CPNE6: variants seen among roughly 807,000 people sequenced by gnomAD.
CPNE6 encodes copine-6.
In CPNE6, 33 loss-of-function variants were observed where a neutral mutation model predicts 71.5. That is an observed-to-expected ratio of 0.46 (90% confidence interval 0.35 to 0.62). CPNE6 has a LOEUF of 0.62. Among genes scored for constraint, CPNE6 ranks in the 20% least tolerant of loss-of-function variants. CPNE6 has a pLI of 0.00. For missense variants in CPNE6, 576 were observed against 747.3 expected, an observed-to-expected ratio of 0.77 and a Z score of 2.67; for synonymous variants, 296 against 293.0, an observed-to-expected ratio of 1.01 and a Z score of -0.10.
intron 1 of CPNE6, 62 bp from the exon 1 acceptor site, chr14:24,071,500 C>CGGGGGGG: frequency 1.4e-6 from 2 of 1,476,306 alleles, no homozygotes; most frequent in Non-Finnish European, 1.8e-6. Flanking sequence ...GCTGGTGCTG[C>CGGGGGGG]GCCCCCCCCC....
Position 24,077,537 on chromosome 14 carries a change from C to T in CPNE6, c.1537-56C>T. 6.3e-7 allele frequency: 1 copy of T among 1,589,372 alleles called. No individual in the cohort carries two copies. The highest frequency in any genetic ancestry group is 8.6e-7 in the Non-Finnish European group (1 of 1,164,606). On this transcript the variant is annotated intron_variant, in intron 16 of 17. Coordinates refer to ENST00000397016, the Ensembl canonical transcript of CPNE6. This position sits in a 1 kb window ranked among gnomAD's most constrained non-coding sequence, Gnocchi z 6.1. ...GAAGCCCCACTTCTCCCTCAGATGA[C>T]CCTGCCTCCCCTACTCTTCCTCTCA...
rs1257029675 is a variant in CPNE6 at position 24,077,136 on chromosome 14, C to G, written c.1300-18C>G. On this transcript the variant is annotated intron_variant, in intron 15 of 17. Coordinates refer to ENST00000397016, the Ensembl canonical transcript of CPNE6. The surrounding 1 kb of genome is among the most constrained non-coding windows in gnomAD (Gnocchi z 6.1). ...TGCACACAAAGCCAACCCTTCCACC[C>G]TCTCTGCTTGCCCTCAGAAGTACTC... The G allele has an allele frequency of 6.3e-7, 1 of 1,597,204 alleles. No homozygotes were observed. The highest frequency in any genetic ancestry group is 1.3e-5 in the African/African-American group (1 of 74,852).
rs750632519 is a variant in CPNE6 at position 24,075,254 on chromosome 14, G to T, written c.755G>T (p.Gly252Val). ...AGCACTTTCCAGGAGATGCAGGAAG[G>T]GACGGCAAACCCTGGGCAGGAGGTG... The change falls in exon 9 of 18, where the codon GGG (glycine) becomes GTG (valine). Residue 252 changes from glycine to valine, a missense_variant. Physicochemically the swap from Gly to Val is moderately radical, Grantham distance 109. Around this residue, in one of 4 missense-constraint regions of CPNE6, gnomAD observed 214 missense variants for 291.2 expected, o/e 0.73. Coordinates refer to ENST00000397016, the Ensembl canonical transcript of CPNE6. This position sits in a 1 kb window ranked among gnomAD's most constrained non-coding sequence, Gnocchi z 4.3. 1.9e-6 allele frequency: 3 copies of T among 1,614,094 alleles called. No homozygotes were observed. Among genetic ancestry groups the T allele is most frequent in the Non-Finnish European group, 2.5e-6 (3 of 1,179,990 alleles).
intron 14 of CPNE6, 29 bp from the exon 14 acceptor site, chr14:24,076,850 C>A: frequency 6.2e-7 from 1 of 1,610,522 alleles, no homozygotes. Flanking sequence ...CTCATTTCTG[C>A]CAGCTTCACA....
chr14:24,074,864 G>C lies in CPNE6; in HGVS notation c.672+69G>C. 2 of 1,341,056 alleles carry C rather than the reference G, an allele frequency of 1.5e-6. No individual in the cohort carries two copies. The highest frequency in any genetic ancestry group is 5.0e-5 in the East Asian group (2 of 40,286). The allele number at this position is 1,341,056 out of a possible 1,614,324, so 83.1% of individuals were successfully genotyped here. A position where few individuals can be genotyped will look rare whatever the true frequency, so the allele number is the denominator to read the frequency against. ...ATCTGCTATCTAAGACCTTTCCCCTGCATGTGGCAAGCCTCCCTCCTCTCC... is the reference window on the plus strand; with the variant it reads ...ATCTGCTATCTAAGACCTTTCCCCTCCATGTGGCAAGCCTCCCTCCTCTCC... On this transcript the variant is annotated intron_variant, in intron 8 of 17. Coordinates refer to ENST00000397016, the Ensembl canonical transcript of CPNE6. This position sits in a 1 kb window ranked among gnomAD's most constrained non-coding sequence, Gnocchi z 4.5.
rs1466210704 is a variant in CPNE6, at chr14:24,077,988, A to G, written c.*138A>G. On this transcript the variant is annotated 3_prime_UTR_variant, in exon 18 of 18. Transcript: ENST00000397016. This position sits in a 1 kb window ranked among gnomAD's most constrained non-coding sequence, Gnocchi z 6.1. ...GACGTGAGTGGTGGGTCCTGCTCCTATCTCTCCAAACCCCATACCCTTCAA... is the reference window on the plus strand; with the variant it reads ...GACGTGAGTGGTGGGTCCTGCTCCTGTCTCTCCAAACCCCATACCCTTCAA... 1.0e-5 allele frequency: 4 copies of G among 395,194 alleles called. No homozygotes were observed. In the Admixed American group the frequency reaches 1.7e-4, roughly 16 times the overall value. The allele number at this position is 395,194 out of a possible 1,614,324, so 24.5% of individuals were successfully genotyped here.
In CPNE6 at chr14:24,076,343, C is replaced by G; in HGVS notation, c.1059-17C>G. 5 of 1,614,232 alleles carry G rather than the reference C, an allele frequency of 3.1e-6. No homozygotes were observed. Among genetic ancestry groups the G allele is most frequent in the Non-Finnish European group, 4.2e-6 (5 of 1,180,030 alleles). ...AGGCCTTGCCCAACGGATTCCACAG[C>G]TTTTTCTTCTCCCCAGTGATAAGCG... is the stretch of plus-strand genomic sequence containing the variant. On this transcript the variant is annotated splice_polypyrimidine_tract_variant and intron_variant, in intron 12 of 17. Transcript: ENST00000397016.
intron 2 of CPNE6, chr14:24,072,166 T>A (rs1872480339): frequency 6.6e-6 from 1 of 152,624 alleles, no homozygotes; most frequent in African/African-American, 2.4e-5. Context: ...GAAGGTGGCA[T>A]GCGTGCATCC....
At position 24,073,719 on chromosome 14, in the gene CPNE6, C is replaced by T. The variant is rs746786163; in HGVS notation, c.348+41C>T. ...CTCCCCGGCTACCCTACCCTACCTC[C>T]ATCAGCTTTGCCTCTGGAAGCCAAA... On this transcript the variant is annotated intron_variant, in intron 4 of 17. Coordinates refer to ENST00000397016, the Ensembl canonical transcript of CPNE6. The surrounding 1 kb of genome is among the most constrained non-coding windows in gnomAD (Gnocchi z 5.5). 1 of 1,577,422 alleles carries T rather than the reference C, an allele frequency of 6.3e-7. No individual in the cohort carries two copies. Among genetic ancestry groups the T allele is most frequent in the Admixed American group, 1.8e-5 (1 of 54,774 alleles).
rs1566550418 is a variant in CPNE6, at chr14:24,075,176, T to G, written c.677T>G (p.Leu226Arg). 1 of 1,613,168 alleles carries G rather than the reference T, an allele frequency of 6.2e-7. No individual in the cohort carries two copies. The highest frequency in any genetic ancestry group is 8.5e-7 in the Non-Finnish European group (1 of 1,179,270). ...CCCCTCCCCCTGCCTTCTCAGTTCC[T>G]GGTGTATGACTATGACTCCAGTGGG... Residue 226 changes from leucine to arginine, a missense_variant, in exon 9 of 18, where the codon CTG becomes CGG. Around this residue, in one of 4 missense-constraint regions of CPNE6, gnomAD observed 214 missense variants for 291.2 expected, o/e 0.73. Transcript: ENST00000397016. The surrounding 1 kb of genome is among the most constrained non-coding windows in gnomAD (Gnocchi z 4.3).
chr14:24,075,615 G>A lies in CPNE6; in HGVS notation c.864+24G>A, dbSNP rs895043908. On this transcript the variant is annotated intron_variant, in intron 10 of 17. Coordinates refer to ENST00000397016, the Ensembl canonical transcript of CPNE6. This position sits in a 1 kb window ranked among gnomAD's most constrained non-coding sequence, Gnocchi z 4.3. Reference sequence around the variant, plus strand: ...CGGTAAATTTCACTTCCTGCTTCAAGCCTTGCCCCAGCCCCTGCCCCTACC... The same window carrying A: ...CGGTAAATTTCACTTCCTGCTTCAAACCTTGCCCCAGCCCCTGCCCCTACC... 3.8e-6 allele frequency: 6 copies of A among 1,584,814 alleles called. No individual in the cohort carries two copies. The highest frequency in any genetic ancestry group is 4.3e-6 in the Non-Finnish European group (5 of 1,160,362).
chr14:24,077,443 C>T lies in CPNE6; in HGVS notation c.1536+53C>T, dbSNP rs759450514. On this transcript the variant is annotated intron_variant, in intron 16 of 17. Coordinates refer to ENST00000397016, the Ensembl canonical transcript of CPNE6. This position sits in a 1 kb window ranked among gnomAD's most constrained non-coding sequence, Gnocchi z 6.1. Reference sequence around the variant, plus strand: ...AAGGACTCCTCAGCTTCTCATCCCCCCAAATCTGACCTTCGTCTTCCACCA... The same window carrying T: ...AAGGACTCCTCAGCTTCTCATCCCCTCAAATCTGACCTTCGTCTTCCACCA... 1.9e-6 allele frequency: 3 copies of T among 1,583,268 alleles called. No individual in the cohort carries two copies. Among genetic ancestry groups the T allele is most frequent in the South Asian group, 2.2e-5 (2 of 90,482 alleles).
Position 24,073,472 on chromosome 14 carries a change from C to T in CPNE6, c.169-27C>T. The T allele has an allele frequency of 4.4e-6, 7 of 1,605,294 alleles. No individual in the cohort carries two copies. Among genetic ancestry groups the T allele is most frequent in the Non-Finnish European group, 6.0e-6 (7 of 1,175,238 alleles). ...AAGTATCCTCGGTTCCCAGACAGCC[C>T]TCGCCTCCCTTCAACCACTACCACA... On this transcript the variant is annotated intron_variant, in intron 3 of 17. Coordinates refer to ENST00000397016, the Ensembl canonical transcript of CPNE6. The surrounding 1 kb of genome is among the most constrained non-coding windows in gnomAD (Gnocchi z 5.5).
At position 24,075,349 on chromosome 14, in the gene CPNE6, C is replaced by A; in HGVS notation, c.777+73C>A. ...AATCCTGAGGGTGATGCTGAAGAGACCACCATAGGTGATAGGAAGTGGAGA... is the reference window on the plus strand; with the variant it reads ...AATCCTGAGGGTGATGCTGAAGAGAACACCATAGGTGATAGGAAGTGGAGA... On this transcript the variant is annotated intron_variant, in intron 9 of 17. Coordinates refer to ENST00000397016, the Ensembl canonical transcript of CPNE6. The surrounding 1 kb of genome is among the most constrained non-coding windows in gnomAD (Gnocchi z 4.3). The A allele has an allele frequency of 6.9e-7, 1 of 1,443,072 alleles. No individual in the cohort carries two copies. The highest frequency in any genetic ancestry group is 9.8e-7 in the Non-Finnish European group (1 of 1,024,614). 89.4% of individuals were successfully genotyped at this position (1,443,072 alleles called of 1,614,324 possible).
Position 24,077,499 on chromosome 14 carries a change from A to C in CPNE6, c.1537-94A>C. 1 of 1,579,724 alleles carries C rather than the reference A, an allele frequency of 6.3e-7. No individual in the cohort carries two copies. Among genetic ancestry groups the C allele is most frequent in the Non-Finnish European group, 8.7e-7 (1 of 1,150,760 alleles). On this transcript the variant is annotated intron_variant, in intron 16 of 17. Transcript: ENST00000397016. The surrounding 1 kb of genome is among the most constrained non-coding windows in gnomAD (Gnocchi z 6.1). Reference sequence around the variant, plus strand: ...TGTCCTGCTAAGGACGCGGGAGCCCAGCTGGCCACCCTGAAGCCCCACTTC... The same window carrying C: ...TGTCCTGCTAAGGACGCGGGAGCCCCGCTGGCCACCCTGAAGCCCCACTTC...
chr14:24,076,424 A>G lies in CPNE6; in HGVS notation c.1113+10A>G. Reference sequence around the variant, plus strand: ...CCCCCCCAACTTCGAGGTAGGCTAGATGCGAGGGAAAGAAGGAGATGGGGG... The same window carrying G: ...CCCCCCCAACTTCGAGGTAGGCTAGGTGCGAGGGAAAGAAGGAGATGGGGG... On this transcript the variant is annotated intron_variant, in intron 13 of 17. Coordinates refer to ENST00000397016, the Ensembl canonical transcript of CPNE6. 6.2e-7 allele frequency: 1 copy of G among 1,614,186 alleles called. No individual in the cohort carries two copies. The highest frequency in any genetic ancestry group is 8.5e-7 in the Non-Finnish European group (1 of 1,180,020).
chr14:24,074,830 G>A lies in CPNE6; in HGVS notation c.672+35G>A, dbSNP rs766074694. ...CAGCCAAGCCAGCACAGCCTACTTAGAGCAACCAATCTGCTATCTAAGACC... is the reference window on the plus strand; with the variant it reads ...CAGCCAAGCCAGCACAGCCTACTTAAAGCAACCAATCTGCTATCTAAGACC... On this transcript the variant is annotated intron_variant, in intron 8 of 17. Transcript: ENST00000397016. This position sits in a 1 kb window ranked among gnomAD's most constrained non-coding sequence, Gnocchi z 4.5. 3 of 1,573,142 alleles carry A rather than the reference G, an allele frequency of 1.9e-6. No individual in the cohort carries two copies. The highest frequency in any genetic ancestry group is 2.3e-5 in the South Asian group (2 of 88,126).
At position 24,077,611 on chromosome 14, in the gene CPNE6, G is replaced by T; in HGVS notation, c.1555G>T (p.Ala519Ser). The change falls in exon 17 of 18, where the codon GCC becomes TCC. Residue 519 changes from alanine (A) to serine (S), a missense_variant. This residue lies in a region of CPNE6 where 264 missense variants were observed against 339.9 expected (regional missense o/e 0.78). Coordinates refer to ENST00000397016, the Ensembl canonical transcript of CPNE6. This position sits in a 1 kb window ranked among gnomAD's most constrained non-coding sequence, Gnocchi z 6.1. Reference sequence around the variant, plus strand: ...ACCCTAGGCTGCCCCCTCTGCACTCGCCAAGTGTGTCCTGGCTGAGGTGCC... The same window carrying T: ...ACCCTAGGCTGCCCCCTCTGCACTCTCCAAGTGTGTCCTGGCTGAGGTGCC... The T allele has an allele frequency of 6.3e-7, 1 of 1,588,280 alleles. No individual in the cohort carries two copies. The highest frequency in any genetic ancestry group is 2.2e-5 in the East Asian group (1 of 44,700).
chr14:24,074,821 G>A lies in CPNE6; in HGVS notation c.672+26G>A, dbSNP rs1354144946. The A allele has an allele frequency of 1.3e-6, 2 of 1,596,944 alleles. No individual in the cohort carries two copies. The highest frequency in any genetic ancestry group is 1.7e-6 in the Non-Finnish European group (2 of 1,169,412). On this transcript the variant is annotated intron_variant, in intron 8 of 17. Coordinates refer to ENST00000397016, the Ensembl canonical transcript of CPNE6. The surrounding 1 kb of genome is among the most constrained non-coding windows in gnomAD (Gnocchi z 4.5). ...GTGAAGTCCCAGCCAAGCCAGCACA[G>A]CCTACTTAGAGCAACCAATCTGCTA...
Sources: gnomAD v4.1 joint callset for allele counts on GRCh38, gnomAD v4.1.1 for gene constraint, gnomAD v4.1.1 regional missense constraint, Gnocchi (gnomAD v3.1) non-coding constraint, MANE v1.5 for transcripts, NCBI Gene and HGNC (gene_info 2026-07-23, HGNC 2026-07-21) for gene names.